The following VSTM4 variants were observed in gnomAD, a reference collection of about 807,000 sequenced individuals.
The protein encoded by VSTM4 is V-set and transmembrane domain containing 4.
Under a neutral mutation model 36.4 loss-of-function variants are expected in VSTM4, and 20 were observed. That is an observed-to-expected ratio of 0.55 (90% CI 0.39 to 0.80). The LOEUF is 0.80. VSTM4 is among the 30% of genes least tolerant of loss of function. VSTM4 has a pLI of 0.00. For missense variants in VSTM4, 392 were observed against 404.5 expected, an observed-to-expected ratio of 0.97 and a Z score of 0.26; for synonymous variants, 182 against 173.9, an observed-to-expected ratio of 1.05 and a Z score of -0.37.
At chr10:49,028,796 A>C (rs1443891960) in intron 7 of VSTM4, among the ~76,000 whole-genome samples, 1 of 152,230 alleles carries the variant, frequency 6.6e-6, no homozygotes, top group East Asian at 1.9e-4. Context: ...CAACATCAAA[A>C]GTTCAATTGG....
intron 2 of VSTM4, among the ~76,000 whole-genome samples, chr10:49,088,159 G>C (rs886930537): frequency 6.6e-6 from 1 of 152,022 alleles, no homozygotes; most frequent in Non-Finnish European, 1.5e-5. Flanking sequence ...CTGAGAGGTT[G>C]CCTTGATCAC....
At chr10:49,074,082 G>A (rs142391111) in intron 4 of VSTM4, among the ~76,000 whole-genome samples, 32 of 152,216 alleles carry the variant, frequency 2.1e-4, no homozygotes, top group African/African-American at 6.7e-4. Context: ...TTGAGTCTTC[G>A]CATATACAAA....
In VSTM4 at chr10:49,077,426, T is replaced by C; in HGVS notation, c.527-100A>G. The C allele has an allele frequency of 5.6e-6, 6 of 1,078,008 alleles. No homozygotes were observed. In the South Asian group the frequency reaches 6.8e-5, roughly 12 times the overall value. 66.8% of individuals were successfully genotyped at this position (1,078,008 alleles called of 1,614,324 possible). A position where few individuals can be genotyped will look rare whatever the true frequency, so the allele number is the denominator to read the frequency against. On this transcript the variant is annotated intron_variant, in intron 3 of 7. Transcript: ENST00000332853. ...AGAATTGGAATATTTGAAATCCCAG[T>C]GCTACAGTCAACAAGGCAGTGTGGT...
intron 3 of VSTM4, among the ~76,000 whole-genome samples, chr10:49,078,106 G>A (rs189618769): frequency 1.9e-3 from 295 of 152,248 alleles, no homozygotes; most frequent in Non-Finnish European, 3.1e-3. Flanking sequence ...TGCAACTACA[G>A]TAAAATATCC....
intron 4 of VSTM4, among the ~76,000 whole-genome samples, chr10:49,069,192 A>G (rs1844028743): frequency 6.6e-6 from 1 of 151,984 alleles, no homozygotes; most frequent in South Asian, 2.1e-4. Context: ...AGGCAGCCTT[A>G]CTCCCATCTT....
intron 6 of VSTM4, 92 bp downstream of exon 6, chr10:49,048,386 A>G: frequency 1.7e-6 from 2 of 1,146,146 alleles, no homozygotes; most frequent in East Asian, 2.6e-5. Context: ...CCATCTGCCT[A>G]CGCTCCCTGT....
intron 7 of VSTM4, among the ~76,000 whole-genome samples, chr10:49,025,122 A>C (rs1232845534): frequency 1.3e-5 from 2 of 152,032 alleles, no homozygotes; most frequent in Non-Finnish European, 2.9e-5. Context: ...GGGAGAAACC[A>C]ACCCTGCCAG....
chr10:49,033,632 G>T (rs929711000), intron 7 of VSTM4, among the ~76,000 whole-genome samples: 1 of 152,188 alleles, frequency 6.6e-6, no homozygotes. Context: ...TTTGACAAAA[G>T]GCATCAGAGC....
At chr10:49,022,962 A>C (rs1843204298) in intron 7 of VSTM4, among the ~76,000 whole-genome samples, 1 of 152,200 alleles carries the variant, frequency 6.6e-6, no homozygotes, top group Admixed American at 6.5e-5. Context: ...ATACATTTTT[A>C]TGATGTTCCT....
chr10:49,055,144 A>G (rs1344003994), intron 5 of VSTM4, among the ~76,000 whole-genome samples: 1 of 152,190 alleles, frequency 6.6e-6, no homozygotes, highest in Non-Finnish European at 1.5e-5. Context: ...CCCATTCAGA[A>G]ACCCTTAGTG....
intron 7 of VSTM4, among the ~76,000 whole-genome samples, chr10:49,031,473 G>A (rs1349667401): frequency 6.6e-6 from 1 of 152,072 alleles, no homozygotes; most frequent in Non-Finnish European, 1.5e-5. Context: ...TTACATTATA[G>A]ATGATAAACA....
chr10:49,089,189 C>T (rs1051125218), intron 2 of VSTM4, among the ~76,000 whole-genome samples: 1 of 152,144 alleles, frequency 6.6e-6, no homozygotes, highest in African/African-American at 2.4e-5. Flanking sequence ...AGAGTAGATG[C>T]AGGGGTTAAA....
intron 7 of VSTM4, among the ~76,000 whole-genome samples, chr10:49,042,921 G>A (rs1033873559): frequency 2.0e-5 from 3 of 152,186 alleles, no homozygotes; most frequent in Non-Finnish European, 4.4e-5. Context: ...ACCACAGGGG[G>A]TGAGTAATAA....
intron 4 of VSTM4, among the ~76,000 whole-genome samples, chr10:49,073,160 T>C (rs551999282): frequency 1.4e-4 from 22 of 152,326 alleles, no homozygotes; most frequent in Non-Finnish European, 2.5e-4. Context: ...CCAGGCCTCA[T>C]GGATCTACAG....
intron 4 of VSTM4, among the ~76,000 whole-genome samples, chr10:49,074,497 G>A (rs1006186315): frequency 2.6e-5 from 4 of 152,294 alleles, no homozygotes; most frequent in South Asian, 4.1e-4. Flanking sequence ...AGGTTCCCAC[G>A]TGAACGGTCT....
chr10:49,019,891 A>G, intron 7 of VSTM4, 116 bp from the exon 8 acceptor site: 2 of 1,329,574 alleles, frequency 1.5e-6, no homozygotes, highest in Non-Finnish European at 2.0e-6. Flanking sequence ...GCGAGGGATA[A>G]GTGGACAAGA....
At chr10:49,026,888 T>C (rs1221822475) in intron 7 of VSTM4, among the ~76,000 whole-genome samples, 1 of 152,180 alleles carries the variant, frequency 6.6e-6, no homozygotes, top group Non-Finnish European at 1.5e-5. Context: ...TACCAAGCCT[T>C]ACACTACGGA....
intron 7 of VSTM4, among the ~76,000 whole-genome samples, chr10:49,032,657 C>T (rs1278410688): frequency 6.6e-6 from 1 of 152,150 alleles, no homozygotes; most frequent in Non-Finnish European, 1.5e-5. Context: ...CACCCCCACC[C>T]CCATCTGCCT....
rs1184987552 is a variant in VSTM4, at chr10:49,064,739, G to A, written c.635-3C>T. On this transcript the variant is annotated splice_polypyrimidine_tract_variant and splice_region_variant and intron_variant, in intron 4 of 7. Transcript: ENST00000332853. ...GCATTTCACCAAATAATGTCTCACT[G>A]TGAAAGGAAAAATAATAGAAGATGG... The A allele has an allele frequency of 6.2e-7, 1 of 1,612,134 alleles. No homozygotes were observed. Among genetic ancestry groups the A allele is most frequent in the Non-Finnish European group, 8.5e-7 (1 of 1,179,336 alleles).
Sources: allele counts gnomAD v4.1 joint callset (sites outside exome capture counted in the v4.1 genomes callset), GRCh38; gene constraint gnomAD v4.1.1; transcripts MANE v1.5; gene names NCBI Gene and HGNC (gene_info 2026-07-23, HGNC 2026-07-21).